Variants in MOB3B observed in about 807,000 individuals in gnomAD.
The protein encoded by MOB3B is MOB kinase activator-like 2B.
A neutral mutation model predicts 18.7 loss-of-function variants in MOB3B; 7 were observed. The ratio of observed to expected loss-of-function variants is 0.37; its 90% CI spans 0.21 to 0.70. The LOEUF is 0.70. Among genes scored for constraint, MOB3B ranks in the 30% least tolerant of loss-of-function variants. The pLI, the probability that MOB3B is intolerant of heterozygous loss-of-function variation, is 0.52. For missense variants in MOB3B, 253 were observed against 281.3 expected (o/e 0.90, Z 0.72); for synonymous variants, 111 against 99.9 (o/e 1.11, Z -0.66).
Position 27,455,410 on chromosome 9 carries a change from A to C in MOB3B, c.141T>G (p.Ala47=), listed in dbSNP as rs1243128159. 2 of 1,614,206 alleles carry C rather than the reference A, an allele frequency of 1.2e-6. No homozygotes were observed. Among genetic ancestry groups the C allele is most frequent in the South Asian group, 2.2e-5 (2 of 91,084 alleles). The part of the protein sequence containing the change: ...SLNSGVDLKA[A]VQLPSGEDQN... Reference sequence around the variant, plus strand: ...GGTCCTCCCCACTGGGCAACTGCACAGCCGCCTTCAGGTCCACACCCGAGT... The same window carrying C: ...GGTCCTCCCCACTGGGCAACTGCACCGCCGCCTTCAGGTCCACACCCGAGT... The change falls in exon 2 of 4, where the codon GCT becomes GCG. Residue 47 remains alanine (A), a synonymous_variant. Transcript: ENST00000262244.
intron 2 of MOB3B, among the ~76,000 whole-genome samples, chr9:27,434,133 T>C (rs1822457952): frequency 6.6e-6 from 1 of 152,196 alleles, no homozygotes. Context: ...TCAGAGATGT[T>C]GATTAGATAC....
chr9:27,516,385 A>G (rs1359005967), intron 1 of MOB3B, among the ~76,000 whole-genome samples: 1 of 152,214 alleles, frequency 6.6e-6, no homozygotes, highest in Admixed American at 6.5e-5. Flanking sequence ...CCTGGCAGTA[A>G]GATGTATTTC....
At chr9:27,373,268 C>G (rs1253924108) in intron 2 of MOB3B, among the ~76,000 whole-genome samples, 1 of 152,166 alleles carries the variant, frequency 6.6e-6, no homozygotes, top group Non-Finnish European at 1.5e-5. Flanking sequence ...TGAAGCTGGC[C>G]CTGTCTCTGA....
In MOB3B at chr9:27,450,019, C is replaced by T. The variant is rs186863361; in HGVS notation, c.418+5114G>A. ...AAAAAAAAAACTTAAAATGTAAAGG[C>T]CAATCATAAACTCAACTCCCCAACA... On this transcript the variant is annotated intron_variant, in intron 2 of 3. Coordinates refer to ENST00000262244, the MANE Select transcript of MOB3B (RefSeq NM_024761.5). Among the ~76,000 whole-genome samples the T allele has an allele frequency of 8.8e-4, 133 of 151,506 alleles. 1 individual carries two copies. Among genetic ancestry groups the T allele is most frequent in the African/African-American group, 3.0e-3 (126 of 41,336 alleles).
chr9:27,380,395 C>A (rs1275240052), intron 2 of MOB3B, among the ~76,000 whole-genome samples: 1 of 151,566 alleles, frequency 6.6e-6, no homozygotes, highest in Non-Finnish European at 1.5e-5. Flanking sequence ...CCCGCCATGA[C>A]ACCCAGCTAA....
intron 3 of MOB3B, among the ~76,000 whole-genome samples, chr9:27,349,137 C>T (rs1041778993): frequency 6.6e-6 from 1 of 152,204 alleles, no homozygotes; most frequent in Non-Finnish European, 1.5e-5. Context: ...TCTATTAGCA[C>T]CAACATCTTG....
At chr9:27,422,658 GTC>G (rs1301140016) in intron 2 of MOB3B, among the ~76,000 whole-genome samples, 1 of 152,210 alleles carries the variant, frequency 6.6e-6, no homozygotes, top group Non-Finnish European at 1.5e-5. Flanking sequence ...CATGAGATCA[GTC>G]TCTGATGAAT....
chr9:27,484,115 G>T (rs894485223), intron 1 of MOB3B, among the ~76,000 whole-genome samples: 6 of 152,192 alleles, frequency 3.9e-5, no homozygotes, highest in African/African-American at 1.4e-4. Context: ...ATTGTTACCT[G>T]CATTTCATAA....
rs1255248492 is a variant in MOB3B, at chr9:27,330,433, G to C, written c.*154C>G. On this transcript the variant is annotated 3_prime_UTR_variant, in exon 4 of 4. Transcript: ENST00000262244. ...TCAGAAGGTTAAGAGCACACAAAGT[G>C]AGTGGGGAATGTCTCTCAGGAGTCA... The C allele has an allele frequency of 7.6e-6, 7 of 922,924 alleles. No individual in the cohort carries two copies. The African/African-American group carries it at 1.0e-4, about 13-fold the overall frequency. 57.2% of individuals were successfully genotyped at this position (922,924 alleles called of 1,614,324 possible). A position where few individuals can be genotyped will look rare whatever the true frequency, so the allele number is the denominator to read the frequency against.
chr9:27,510,820 C>T (rs1820130805), intron 1 of MOB3B, among the ~76,000 whole-genome samples: 1 of 152,208 alleles, frequency 6.6e-6, no homozygotes, highest in South Asian at 2.1e-4. Flanking sequence ...CCAGGATCCA[C>T]CAAGTTCCAC....
At chr9:27,369,013 A>T (rs1821378162) in intron 2 of MOB3B, among the ~76,000 whole-genome samples, 1 of 152,222 alleles carries the variant, frequency 6.6e-6, no homozygotes, top group Non-Finnish European at 1.5e-5. Context: ...TTCACTGTGG[A>T]TTGACAATAA....
intron 2 of MOB3B, among the ~76,000 whole-genome samples, chr9:27,376,499 T>C (rs1821491536): frequency 6.6e-6 from 1 of 152,200 alleles, no homozygotes; most frequent in Non-Finnish European, 1.5e-5. Context: ...GACACAGGAC[T>C]CAAGAACCAA....
chr9:27,453,243 T>C (rs1157149229), intron 2 of MOB3B, among the ~76,000 whole-genome samples: 1 of 152,192 alleles, frequency 6.6e-6, no homozygotes, highest in African/African-American at 2.4e-5. Flanking sequence ...ATAATGCACA[T>C]TGGCATATTA....
intron 1 of MOB3B, among the ~76,000 whole-genome samples, chr9:27,522,682 G>A (rs1820356872): frequency 6.6e-6 from 1 of 151,636 alleles, no homozygotes. Context: ...AGTCTTTAAG[G>A]GCATCATCAT....
At chr9:27,343,894 C>G (rs922007225) in intron 3 of MOB3B, among the ~76,000 whole-genome samples, 6 of 151,910 alleles carry the variant, frequency 3.9e-5, no homozygotes, top group African/African-American at 1.5e-4. Flanking sequence ...GCCTCACTTG[C>G]AAATCCTAAA....
chr9:27,366,649 A>G (rs1249655412), intron 2 of MOB3B, among the ~76,000 whole-genome samples: 2 of 152,180 alleles, frequency 1.3e-5, no homozygotes, highest in Non-Finnish European at 2.9e-5. Context: ...TCCTGTTTTC[A>G]TCATTTTCCC....
rs903946022 is a variant in MOB3B at position 27,529,635 on chromosome 9, A to T, written c.-279T>A. Reference sequence around the variant, plus strand: ...GCAGCCAGCGCGAAAGAAAATGGTGAGCTCGGGGCAGGTGGGGCGTCGCTT... The same window carrying T: ...GCAGCCAGCGCGAAAGAAAATGGTGTGCTCGGGGCAGGTGGGGCGTCGCTT... On this transcript the variant is annotated 5_prime_UTR_variant, in exon 1 of 4. Coordinates refer to ENST00000262244, the MANE Select transcript of MOB3B (RefSeq NM_024761.5). 5.1e-6 allele frequency: 5 copies of T among 985,348 alleles called. No individual in the cohort carries two copies. The highest frequency in any genetic ancestry group is 1.7e-5 in the African/African-American group (1 of 57,232). 61.0% of individuals were successfully genotyped at this position (985,348 alleles called of 1,614,324 possible). A position where few individuals can be genotyped will look rare whatever the true frequency, so the allele number is the denominator to read the frequency against.
intron 1 of MOB3B, among the ~76,000 whole-genome samples, chr9:27,487,148 T>TAAATAAATAAATA (rs1554652558): frequency 6.0e-5 from 9 of 150,680 alleles, no homozygotes; most frequent in Non-Finnish European, 1.3e-4. Flanking sequence ...AATAAATAAA[T>TAAATAAATAAATA]AAATAAAATA....
chr9:27,473,673 A>G (rs1819509191), intron 1 of MOB3B, among the ~76,000 whole-genome samples: 1 of 152,066 alleles, frequency 6.6e-6, no homozygotes, highest in Non-Finnish European at 1.5e-5. Context: ...CCATCAAGAC[A>G]TTCCCTCAGC....
Sources: allele counts gnomAD v4.1 joint callset (sites outside exome capture counted in the v4.1 genomes callset), GRCh38; gene constraint gnomAD v4.1.1; transcripts MANE v1.5; gene names NCBI Gene and HGNC (gene_info 2026-07-23, HGNC 2026-07-21).